Variants in BTBD9 observed in about 807,000 individuals in gnomAD.
BTBD9 encodes BTB domain containing 9, also known as BTB/POZ domain-containing protein 9.
Under a neutral mutation model 64.3 loss-of-function variants are expected in BTBD9, and 49 were observed. The ratio of observed to expected loss-of-function variants is 0.76; its 90% confidence interval spans 0.61 to 0.97. The LOEUF (loss-of-function observed/expected upper bound fraction) is 0.97, where lower values mean the gene tolerates loss of function less well. Ranked by LOEUF, BTBD9 falls within the 50% of genes least tolerant of loss-of-function variation. BTBD9 has a pLI of 0.00. For synonymous variants in BTBD9, 260 were observed against 274.7 expected, an observed-to-expected ratio of 0.95 and a Z score of 0.53; for missense variants, 598 against 762.1, an observed-to-expected ratio of 0.78 and a Z score of 2.53.
intron 1 of BTBD9, among the ~76,000 whole-genome samples, chr6:38,615,684 C>T (rs867233516): frequency 1.3e-5 from 2 of 152,344 alleles, no homozygotes; most frequent in Admixed American, 6.5e-5. Context: ...TAACCTTCTA[C>T]TCCATTTGAT....
chr6:38,317,811 A>G (rs1312564089), intron 7 of BTBD9, among the ~76,000 whole-genome samples: 1 of 151,722 alleles, frequency 6.6e-6, no homozygotes, highest in Non-Finnish European at 1.5e-5. Flanking sequence ...CAGTATGTCC[A>G]TTGCATTTTT....
intron 6 of BTBD9, among the ~76,000 whole-genome samples, chr6:38,549,684 G>A (rs1332877583): frequency 6.6e-6 from 1 of 152,136 alleles, no homozygotes; most frequent in Non-Finnish European, 1.5e-5. Flanking sequence ...AGCCTTCAGA[G>A]TAGGGAACCA....
chr6:38,599,232 G>A (rs945490372), intron 1 of BTBD9, among the ~76,000 whole-genome samples: 4 of 152,088 alleles, frequency 2.6e-5, no homozygotes, highest in African/African-American at 9.7e-5. Flanking sequence ...AGAAAGTGGG[G>A]GGTTATAGTC....
At chr6:38,374,499 C>T (rs1484326631) in intron 6 of BTBD9, among the ~76,000 whole-genome samples, 1 of 151,190 alleles carries the variant, frequency 6.6e-6, no homozygotes, top group Non-Finnish European at 1.5e-5. Flanking sequence ...GTCTCTCTGA[C>T]ACTTCAGCCT....
chr6:38,534,869 T>C (rs1269860330), intron 6 of BTBD9, among the ~76,000 whole-genome samples: 2 of 152,022 alleles, frequency 1.3e-5, no homozygotes, highest in African/African-American at 4.8e-5. Flanking sequence ...GGAACATACT[T>C]CAACATAATA....
intron 6 of BTBD9, among the ~76,000 whole-genome samples, chr6:38,500,398 A>G (rs1772143665): frequency 1.3e-5 from 2 of 152,202 alleles, no homozygotes; most frequent in African/African-American, 4.8e-5. Flanking sequence ...TTACGGCAGT[A>G]ATTTCATCTG....
intron 6 of BTBD9, among the ~76,000 whole-genome samples, chr6:38,496,375 G>T (rs1479631979): frequency 2.6e-5 from 4 of 152,138 alleles, no homozygotes; most frequent in African/African-American, 9.7e-5. Context: ...AGGCGCAGTG[G>T]TTCACACCTG....
At chr6:38,588,376 A>G in intron 4 of BTBD9, 1 of 853,490 alleles carries the variant, frequency 1.2e-6, no homozygotes, top group Non-Finnish European at 2.0e-6. Flanking sequence ...CTCTCAACCT[A>G]GAATGGCTCC....
At chr6:38,632,082 C>A (rs1480722291) in intron 1 of BTBD9, among the ~76,000 whole-genome samples, 2 of 152,056 alleles carry the variant, frequency 1.3e-5, no homozygotes, top group African/African-American at 4.8e-5. Context: ...GAGCCGAGAT[C>A]GTGCCACTGC....
chr6:38,420,417 A>G (rs1767851025), intron 6 of BTBD9, among the ~76,000 whole-genome samples: 1 of 152,212 alleles, frequency 6.6e-6, no homozygotes, highest in African/African-American at 2.4e-5. Context: ...GTGCATCAAT[A>G]AAATCCCTGG....
intron 6 of BTBD9, among the ~76,000 whole-genome samples, chr6:38,563,748 CG>C (rs1775348677): frequency 6.6e-6 from 1 of 151,560 alleles, no homozygotes. Flanking sequence ...CTGCTCCAAA[CG>C]CTTTCCCCTT....
intron 6 of BTBD9, among the ~76,000 whole-genome samples, chr6:38,441,485 A>G (rs1769030464): frequency 6.6e-6 from 1 of 152,096 alleles, no homozygotes; most frequent in Admixed American, 6.5e-5. Context: ...ACGCGAGCCA[A>G]TCATGGCTCA....
intron 9 of BTBD9, among the ~76,000 whole-genome samples, chr6:38,223,256 T>G (rs942588483): frequency 6.6e-6 from 1 of 152,190 alleles, no homozygotes; most frequent in African/African-American, 2.4e-5. Flanking sequence ...AGCATCTTAA[T>G]AGTCAATCCC....
At chr6:38,487,736 T>C (rs534765883) in intron 6 of BTBD9, among the ~76,000 whole-genome samples, 2 of 152,168 alleles carry the variant, frequency 1.3e-5, no homozygotes, top group African/African-American at 4.8e-5. Context: ...AGTTTGCAAG[T>C]ATCACCAGGT....
intron 7 of BTBD9, among the ~76,000 whole-genome samples, chr6:38,330,150 G>A (rs1262030873): frequency 6.6e-6 from 1 of 151,962 alleles, no homozygotes; most frequent in Non-Finnish European, 1.5e-5. Context: ...CACCTCCTGG[G>A]TTCAAGCAAT....
intron 6 of BTBD9, among the ~76,000 whole-genome samples, chr6:38,459,750 GTTC>G (rs1769988305): frequency 6.6e-6 from 1 of 152,098 alleles, no homozygotes; most frequent in Non-Finnish European, 1.5e-5. Context: ...TAAAAATTAT[GTTC>G]ATAATTTGCT....
At chr6:38,370,332 T>G (rs955901814) in intron 6 of BTBD9, among the ~76,000 whole-genome samples, 1 of 152,218 alleles carries the variant, frequency 6.6e-6, no homozygotes, top group African/African-American at 2.4e-5. Flanking sequence ...CTATCCAAGC[T>G]TCAATGCTCC....
At chr6:38,228,048 C>A (rs1763460867) in intron 9 of BTBD9, among the ~76,000 whole-genome samples, 1 of 151,964 alleles carries the variant, frequency 6.6e-6, no homozygotes, top group South Asian at 2.1e-4. Flanking sequence ...TTGTCCAAAC[C>A]CATAAAATGT....
chr6:38,547,794 T>C (rs959679632), intron 6 of BTBD9, among the ~76,000 whole-genome samples: 1 of 152,228 alleles, frequency 6.6e-6, no homozygotes, highest in Non-Finnish European at 1.5e-5. Flanking sequence ...TATCATATGA[T>C]AAGTGAAATG....
Sources: allele counts gnomAD v4.1 joint callset (sites outside exome capture counted in the v4.1 genomes callset), GRCh38; gene constraint gnomAD v4.1.1; transcripts MANE v1.5; gene names NCBI Gene and HGNC (gene_info 2026-07-23, HGNC 2026-07-21).